DNAJB9: variants seen among roughly 807,000 people sequenced by gnomAD.
DNAJB9 encodes DnaJ heat shock protein family (Hsp40) member B9, also known as dnaJ homolog subfamily B member 9.
A neutral mutation model predicts 19.2 loss-of-function variants in DNAJB9; 12 were observed. The observed-to-expected ratio is 0.62, with a 90% CI of 0.40 to 1.01. The LOEUF is 1.01. Ranked by LOEUF, DNAJB9 falls within the 50% of genes least tolerant of loss-of-function variation. DNAJB9 has a pLI of 0.00. For synonymous variants in DNAJB9, 83 were observed against 84.0 expected, an observed-to-expected ratio of 0.99 and a Z score of 0.07; for missense variants, 272 against 261.1, an observed-to-expected ratio of 1.04 and a Z score of -0.29.
In DNAJB9 at chr7:108,573,370, A is replaced by C; in HGVS notation, c.*17A>C. 266 of 1,476,520 alleles carry C rather than the reference A, an allele frequency of 1.8e-4. No homozygotes were observed. The highest frequency in any genetic ancestry group is 2.2e-4 in the Non-Finnish European group (240 of 1,111,722). The allele number at this position is 1,476,520 out of a possible 1,614,324, so 91.5% of individuals were successfully genotyped here. On this transcript the variant is annotated 3_prime_UTR_variant, in exon 3 of 3. Transcript: ENST00000249356. ...GGACAGTAGTTCTTATTCTATTCTCACTAAATCCAACTGGTTGACTCTTCC... is the reference window on the plus strand; with the variant it reads ...GGACAGTAGTTCTTATTCTATTCTCCCTAAATCCAACTGGTTGACTCTTCC...
At position 108,573,398 on chromosome 7, in the gene DNAJB9, A is replaced by C; in HGVS notation, c.*45A>C. 1 of 1,375,550 alleles carries C rather than the reference A, an allele frequency of 7.3e-7. No individual in the cohort carries two copies. The highest frequency in any genetic ancestry group is 2.5e-5 in the Admixed American group (1 of 39,480). The allele number at this position is 1,375,550 out of a possible 1,614,324, so 85.2% of individuals were successfully genotyped here. ...AAATCCAACTGGTTGACTCTTCCTC[A>C]TTATCTTTGATGCTAAACAATTTTC... On this transcript the variant is annotated 3_prime_UTR_variant, in exon 3 of 3. Coordinates refer to ENST00000249356, the MANE Select transcript of DNAJB9 (RefSeq NM_012328.3).
rs1338513118 is a variant in DNAJB9 at position 108,573,777 on chromosome 7, C to T, written c.*424C>T. On this transcript the variant is annotated 3_prime_UTR_variant, in exon 3 of 3. Transcript: ENST00000249356. ...CATGTTCTATGACATCTGTGACTTGCGTTGCAGAGTGTACATGAAACTGTA... is the reference window on the plus strand; with the variant it reads ...CATGTTCTATGACATCTGTGACTTGTGTTGCAGAGTGTACATGAAACTGTA... The T allele has an allele frequency of 6.4e-6, 1 of 155,422 alleles. No individual in the cohort carries two copies. The highest frequency in any genetic ancestry group is 1.9e-4 in the East Asian group (1 of 5,240). 9.6% of individuals were successfully genotyped at this position (155,422 alleles called of 1,614,324 possible).
Position 108,571,831 on chromosome 7 carries a change from A to G in DNAJB9, c.105A>G (p.Lys35=), listed in dbSNP as rs777322712. 1.1e-5 allele frequency: 17 copies of G among 1,614,070 alleles called. No individual in the cohort carries two copies. Among genetic ancestry groups the G allele is most frequent in the Non-Finnish European group, 1.4e-5 (17 of 1,180,030 alleles). Residue 35 remains lysine (K), a synonymous_variant, in exon 2 of 3, where the codon AAA becomes AAG. Transcript: ENST00000249356. The stretch of plus-strand genomic sequence containing the variant: ...ACTATGATATCTTAGGTGTGCCAAA[A>G]TCGGCATCAGAGCGCCAAATCAAGA... The part of the protein sequence containing the change: ...KSYYDILGVP[K]SASERQIKKA...
chr7:108,571,185 A>G (rs978941866), intron 1 of DNAJB9, among the ~76,000 whole-genome samples: 3 of 152,018 alleles, frequency 2.0e-5, no homozygotes, highest in Non-Finnish European at 4.4e-5. Flanking sequence ...AAGATTCTCT[A>G]TTTGCAGTCC....
chr7:108,573,511 AATTCAAC>A lies in DNAJB9; in HGVS notation c.*166_*172del. On this transcript the variant is annotated 3_prime_UTR_variant, in exon 3 of 3. Transcript: ENST00000249356. ...ATTTAAGGGTTTTTTTTTTTTGACA[AATTCAAC>A]ATTCAACGAGTAGACAAAATGCTAA... is the stretch of plus-strand genomic sequence containing the variant. The A allele has an allele frequency of 2.2e-6, 1 of 458,340 alleles. No homozygotes were observed. The highest frequency in any genetic ancestry group is 3.6e-6 in the Non-Finnish European group (1 of 275,570). The allele number at this position is 458,340 out of a possible 1,614,324, so 28.4% of individuals were successfully genotyped here.
intron 2 of DNAJB9, chr7:108,572,156 A>G (rs1564014436): frequency 2.3e-6 from 1 of 435,626 alleles, no homozygotes; most frequent in Non-Finnish European, 4.1e-6. Flanking sequence ...TTTTATTGGT[A>G]TACGTATCTA....
rs1584294777 is a variant in DNAJB9 at position 108,574,568 on chromosome 7, A to G, written c.*1215A>G. 2.6e-5 allele frequency: 4 copies of G among 152,272 alleles called. No homozygotes were observed. In the East Asian group the frequency reaches 7.7e-4, roughly 29 times the overall value. The allele number at this position is 152,272 out of a possible 1,614,324, so 9.4% of individuals were successfully genotyped here. On this transcript the variant is annotated 3_prime_UTR_variant, in exon 3 of 3. Coordinates refer to ENST00000249356, the MANE Select transcript of DNAJB9 (RefSeq NM_012328.3). ...TTTGTCATTTGGTAATTTCTACTGCATTCTTACCATCCTTCTCTCACAAAT... is the reference window on the plus strand; with the variant it reads ...TTTGTCATTTGGTAATTTCTACTGCGTTCTTACCATCCTTCTCTCACAAAT...
intron 1 of DNAJB9, 95 bp from the exon 2 acceptor site, chr7:108,571,622 C>T: frequency 2.1e-6 from 2 of 946,766 alleles, no homozygotes; most frequent in Non-Finnish European, 3.2e-6. Context: ...TATTTTGATA[C>T]TGCATTAGGT....
chr7:108,571,079 A>G (rs1037475396), intron 1 of DNAJB9, among the ~76,000 whole-genome samples: 5 of 152,240 alleles, frequency 3.3e-5, no homozygotes, highest in Non-Finnish European at 5.9e-5. Flanking sequence ...AGTTTTAAAC[A>G]ATATTTAGCC....
Position 108,572,891 on chromosome 7 carries a change from A to T in DNAJB9, c.218-8A>T. 3 of 1,573,002 alleles carry T rather than the reference A, an allele frequency of 1.9e-6. No individual in the cohort carries two copies. The highest frequency in any genetic ancestry group is 2.6e-6 in the Non-Finnish European group (3 of 1,161,292). Reference sequence around the variant, plus strand: ...TTCAGTTACTAAAAATATTTTTGTCACTTTCAGCATATGAAACACTCTCAG... The same window carrying T: ...TTCAGTTACTAAAAATATTTTTGTCTCTTTCAGCATATGAAACACTCTCAG... On this transcript the variant is annotated splice_polypyrimidine_tract_variant and splice_region_variant and intron_variant, in intron 2 of 2. Coordinates refer to ENST00000249356, the MANE Select transcript of DNAJB9 (RefSeq NM_012328.3).
rs1370282439 is a variant in DNAJB9 at position 108,573,563 on chromosome 7, A to G, written c.*210A>G. 5.1e-6 allele frequency: 2 copies of G among 391,392 alleles called. No homozygotes were observed. Among genetic ancestry groups the G allele is most frequent in the Non-Finnish European group, 8.9e-6 (2 of 224,614 alleles). 24.2% of individuals were successfully genotyped at this position (391,392 alleles called of 1,614,324 possible). On this transcript the variant is annotated 3_prime_UTR_variant, in exon 3 of 3. Coordinates refer to ENST00000249356, the MANE Select transcript of DNAJB9 (RefSeq NM_012328.3). ...TGCTAATTATTTCCCTGATTAGGAA[A>G]GTTTCTTTAAAAAACACGTAATTTT...
chr7:108,570,719 A>T (rs1790605789), intron 1 of DNAJB9, among the ~76,000 whole-genome samples: 1 of 152,092 alleles, frequency 6.6e-6, no homozygotes, highest in South Asian at 2.1e-4. Flanking sequence ...GGAAATAAGT[A>T]ATCTACCTGC....
Position 108,573,271 on chromosome 7 carries a change from A to C in DNAJB9, c.590A>C (p.His197Pro), listed in dbSNP as rs776736880. The change falls in exon 3 of 3, where the codon CAT becomes CCT. Residue 197 changes from histidine to proline, a missense_variant. Transcript: ENST00000249356. ...ACAGTACAGACTGAAAATAGATTTC[A>C]TGGATCTAGCAAGCACTGCAGGACT... ...QHTVQTENRF[H>P]GSSKHCRTVT... The C allele has an allele frequency of 6.2e-7, 1 of 1,613,730 alleles. No individual in the cohort carries two copies. Among genetic ancestry groups the C allele is most frequent in the East Asian group, 2.2e-5 (1 of 44,876 alleles).
chr7:108,572,159 C>A (rs1158721810), intron 2 of DNAJB9: 1 of 422,794 alleles, frequency 2.4e-6, no homozygotes, highest in Non-Finnish European at 4.2e-6. Context: ...TATTGGTATA[C>A]GTATCTAAAA....
Position 108,569,906 on chromosome 7 carries a change from G to A in DNAJB9, c.-208G>A. 1 of 425,780 alleles carries A rather than the reference G, an allele frequency of 2.3e-6. No individual in the cohort carries two copies. Among genetic ancestry groups the A allele is most frequent in the Non-Finnish European group, 4.3e-6 (1 of 230,048 alleles). The allele number at this position is 425,780 out of a possible 1,614,324, so 26.4% of individuals were successfully genotyped here. On this transcript the variant is annotated 5_prime_UTR_variant, in exon 1 of 3. In the 5' UTR this introduces an upstream ATG that the reference lacks. Transcript: ENST00000249356. Reference sequence around the variant, plus strand: ...TGGCGCCAGCGGCTACCTCCTGCCTGTGAGGAGCTGGCTGAGAGGGGACTG... The same window carrying A: ...TGGCGCCAGCGGCTACCTCCTGCCTATGAGGAGCTGGCTGAGAGGGGACTG...
rs1335521746 is a variant in DNAJB9 at position 108,571,958 on chromosome 7, A to G, written c.217+15A>G. Reference sequence around the variant, plus strand: ...GATTGCAGAAGGTAAATAAATGACAATCTCTGAAGTGTCATGGGTATTAAC... The same window carrying G: ...GATTGCAGAAGGTAAATAAATGACAGTCTCTGAAGTGTCATGGGTATTAAC... On this transcript the variant is annotated intron_variant, in intron 2 of 2. Coordinates refer to ENST00000249356, the MANE Select transcript of DNAJB9 (RefSeq NM_012328.3). 5.0e-6 allele frequency: 8 copies of G among 1,608,516 alleles called. No individual in the cohort carries two copies. The highest frequency in any genetic ancestry group is 1.6e-4 in the Middle Eastern group (1 of 6,078).
Position 108,569,890 on chromosome 7 carries a change from C to G in DNAJB9, c.-224C>G. The G allele has an allele frequency of 2.2e-6, 1 of 460,290 alleles. No individual in the cohort carries two copies. Among genetic ancestry groups the G allele is most frequent in the East Asian group, 3.9e-5 (1 of 25,352 alleles). 28.5% of individuals were successfully genotyped at this position (460,290 alleles called of 1,614,324 possible). On this transcript the variant is annotated 5_prime_UTR_variant, in exon 1 of 3. Transcript: ENST00000249356. ...AGGTCTTCTGAGGTGGTGGCGCCAGCGGCTACCTCCTGCCTGTGAGGAGCT... is the reference window on the plus strand; with the variant it reads ...AGGTCTTCTGAGGTGGTGGCGCCAGGGGCTACCTCCTGCCTGTGAGGAGCT...
intron 2 of DNAJB9, 104 bp downstream of exon 2, chr7:108,572,047 A>C (rs1275492596): frequency 9.4e-7 from 1 of 1,066,970 alleles, no homozygotes; most frequent in South Asian, 1.5e-5. Context: ...TGGGAGGTGG[A>C]GTGGGATTTA....
chr7:108,571,834 G>A lies in DNAJB9; in HGVS notation c.108G>A (p.Ser36=), dbSNP rs1790626035. The change falls in exon 2 of 3, where the codon TCG becomes TCA. Residue 36 remains serine, a synonymous_variant. Coordinates refer to ENST00000249356, the MANE Select transcript of DNAJB9 (RefSeq NM_012328.3). The stretch of plus-strand genomic sequence containing the variant: ...ATGATATCTTAGGTGTGCCAAAATC[G>A]GCATCAGAGCGCCAAATCAAGAAGG... ...SYYDILGVPK[S]ASERQIKKAF... The A allele has an allele frequency of 1.2e-6, 2 of 1,614,054 alleles. No individual in the cohort carries two copies. Among genetic ancestry groups the A allele is most frequent in the South Asian group, 2.2e-5 (2 of 91,072 alleles).
Sources: allele counts gnomAD v4.1 joint callset (sites outside exome capture counted in the v4.1 genomes callset), GRCh38; gene constraint gnomAD v4.1.1; transcripts MANE v1.5; gene names NCBI Gene and HGNC (gene_info 2026-07-23, HGNC 2026-07-21).